The following RIMBP2 variants were observed in gnomAD, a reference collection of about 807,000 sequenced individuals.
RIMBP2 encodes RIMS-binding protein 2.
Under a neutral mutation model 118.6 loss-of-function variants are expected in RIMBP2, and 48 were observed. The observed-to-expected ratio is 0.40, with a 90% confidence interval of 0.32 to 0.51. The LOEUF (loss-of-function observed/expected upper bound fraction) is 0.51, where lower values mean the gene tolerates loss of function less well. RIMBP2 is among the 20% of genes least tolerant of loss of function. The pLI, the probability that RIMBP2 is intolerant of heterozygous loss-of-function variation, is 0.41. For synonymous variants in RIMBP2, 762 were observed against 742.9 expected (o/e 1.03, Z -0.42); for missense variants, 1,551 against 1,768.3 (o/e 0.88, Z 2.20).
At chr12:130,405,137 G>A (rs1215184155) in intron 21 of RIMBP2, among the ~76,000 whole-genome samples, 2 of 152,152 alleles carry the variant, frequency 1.3e-5, no homozygotes, top group Non-Finnish European at 2.9e-5. Flanking sequence ...CCCCAAGGCA[G>A]AAACATTTGA....
At chr12:130,491,269 G>A (rs752017962) in intron 4 of RIMBP2, among the ~76,000 whole-genome samples, 8 of 152,150 alleles carry the variant, frequency 5.3e-5, no homozygotes, top group Admixed American at 2.6e-4. Flanking sequence ...GGCCCAGAGC[G>A]GTTAAGCAAC....
chr12:130,653,070 A>G (rs562475092), intron 1 of RIMBP2, among the ~76,000 whole-genome samples: 16 of 152,322 alleles, frequency 1.1e-4, no homozygotes, highest in Non-Finnish European at 1.5e-4. Flanking sequence ...CCCAAATCTC[A>G]TGTCCTTCTC....
At chr12:130,467,815 A>C (rs117952004) in intron 6 of RIMBP2, among the ~76,000 whole-genome samples, 3,188 of 152,302 alleles carry the variant, frequency 0.021, 91 homozygotes, top group East Asian at 0.16. Flanking sequence ...GTACCCAGAC[A>C]GCCTTGGGCA....
At chr12:130,527,837 A>G (rs1480443087) in intron 2 of RIMBP2, among the ~76,000 whole-genome samples, 1 of 152,252 alleles carries the variant, frequency 6.6e-6, no homozygotes, top group East Asian at 1.9e-4. Context: ...AACATATGCA[A>G]AAAAGCTCAA....
intron 4 of RIMBP2, among the ~76,000 whole-genome samples, chr12:130,499,798 G>C (rs1015759851): frequency 6.6e-6 from 1 of 152,108 alleles, no homozygotes. Context: ...CACCTGACCT[G>C]CACATTAATT....
intron 2 of RIMBP2, among the ~76,000 whole-genome samples, chr12:130,613,990 T>C (rs1473317427): frequency 6.6e-6 from 1 of 152,052 alleles, no homozygotes; most frequent in Non-Finnish European, 1.5e-5. Flanking sequence ...CACCCTGCAA[T>C]GGTGGCCTCT....
At chr12:130,497,052 T>C (rs547282535) in intron 4 of RIMBP2, among the ~76,000 whole-genome samples, 1 of 152,156 alleles carries the variant, frequency 6.6e-6, no homozygotes, top group Admixed American at 6.5e-5. Flanking sequence ...GGGCGCTCCA[T>C]GGCTCTGATC....
chr12:130,487,351 G>A (rs966920720), intron 4 of RIMBP2, among the ~76,000 whole-genome samples: 16 of 152,138 alleles, frequency 1.1e-4, no homozygotes, highest in Non-Finnish European at 2.4e-4. Context: ...GAATAGCTTG[G>A]TGCCCTCCCC....
intron 2 of RIMBP2, among the ~76,000 whole-genome samples, chr12:130,535,750 T>TACAC (rs1566218209): frequency 5.7e-5 from 2 of 34,886 alleles, no homozygotes; most frequent in African/African-American, 1.4e-4. Flanking sequence ...TATATATATA[T>TACAC]ATATATATAT....
chr12:130,645,567 G>A (rs67861101), intron 1 of RIMBP2, among the ~76,000 whole-genome samples: 10,648 of 152,194 alleles, frequency 0.07, 1,248 homozygotes, highest in African/African-American at 0.24. Context: ...TTTAGGATTG[G>A]AGAAAGTCAT....
rs1171652515 is a variant in RIMBP2 at position 130,438,500 on chromosome 12, TG to T, written c.1520del (p.Pro507HisfsTer10). The T allele has an allele frequency of 6.2e-7, 1 of 1,602,356 alleles. No homozygotes were observed. Among genetic ancestry groups the T allele is most frequent in the Non-Finnish European group, 8.5e-7 (1 of 1,174,044 alleles). ...STLPAGPPAP[P>X]QDVTVQAGVT... ...CCCCAGCCTGGACGGTAACATCTTG[TG>T]GGGGTGCTGGGGGTCCTGGGAGGGG... On this transcript the variant is annotated frameshift_variant, in exon 12 of 23. Coordinates refer to ENST00000690449, the MANE Select transcript of RIMBP2 (RefSeq NM_001393629.1). LOFTEE classifies it high-confidence loss of function.
chr12:130,403,334 A>G (rs531530320), intron 21 of RIMBP2, among the ~76,000 whole-genome samples: 199 of 152,332 alleles, frequency 1.3e-3, no homozygotes, highest in Non-Finnish European at 2.4e-3. Flanking sequence ...TTTCATATTA[A>G]TTTAGATCTG....
At chr12:130,545,450 T>C (rs2055032179) in intron 2 of RIMBP2, among the ~76,000 whole-genome samples, 1 of 152,260 alleles carries the variant, frequency 6.6e-6, no homozygotes, top group Non-Finnish European at 1.5e-5. Context: ...AATTAATTTA[T>C]ATTGATTTCC....
intron 2 of RIMBP2, among the ~76,000 whole-genome samples, chr12:130,597,329 T>C (rs7972138): frequency 0.81 from 122,791 of 152,122 alleles, 49,824 homozygotes; most frequent in South Asian, 0.87. Flanking sequence ...CTGCAACCTC[T>C]GCCTCCTGGG....
intron 14 of RIMBP2, chr12:130,430,261 C>T (rs1255702285): frequency 2.0e-5 from 3 of 152,254 alleles, no homozygotes; most frequent in Non-Finnish European, 4.4e-5. Context: ...GGGGGACACG[C>T]AGCTTTACCC....
In RIMBP2 at chr12:130,678,620, C is replaced by T. The variant is rs190656188; in HGVS notation, c.-352+37602G>A. Among the ~76,000 whole-genome samples, 372 of 152,224 alleles carry T rather than the reference C, an allele frequency of 2.4e-3. 1 individual carries two copies. The highest frequency in any genetic ancestry group is 3.8e-3 in the African/African-American group (159 of 41,540). On this transcript the variant is annotated intron_variant, in intron 1 of 22. Coordinates refer to ENST00000690449, the MANE Select transcript of RIMBP2 (RefSeq NM_001393629.1). ...GCAGCCTCCACCTCCCAGGTTCAAG[C>T]GACTCTCCTGCCTCAGCCTCCAGAA...
intron 14 of RIMBP2, chr12:130,432,082 G>A: frequency 5.7e-6 from 2 of 350,342 alleles, no homozygotes; most frequent in Non-Finnish European, 1.1e-5. Context: ...AAAACCAGTG[G>A]GGGTATGGGT....
Position 130,516,418 on chromosome 12 carries a change from T to C in RIMBP2, c.-127+1410A>G, listed in dbSNP as rs567463356. Among the ~76,000 whole-genome samples the C allele has an allele frequency of 8.8e-4, 134 of 152,304 alleles. 1 individual carries two copies. In the South Asian group the frequency reaches 0.013, roughly 14 times the overall value. On this transcript the variant is annotated intron_variant, in intron 3 of 22. Coordinates refer to ENST00000690449, the MANE Select transcript of RIMBP2 (RefSeq NM_001393629.1). ...GATGTAACAGCAAAGCTCTCTGCAA[T>C]CCCAAGCCCACATTCTCGTAGGAGA...
intron 2 of RIMBP2, among the ~76,000 whole-genome samples, chr12:130,573,407 TGTGTGC>T (rs1242651064): frequency 1.4e-5 from 2 of 141,810 alleles, no homozygotes; most frequent in Non-Finnish European, 3.0e-5. Flanking sequence ...TGTGTGCGAC[TGTGTGC>T]GTGTGAGTGT....
Sources: gnomAD v4.1 joint callset for allele counts (sites outside exome capture counted in the v4.1 genomes callset) on GRCh38, gnomAD v4.1.1 for gene constraint, MANE v1.5 for transcripts, NCBI Gene and HGNC (gene_info 2026-07-23, HGNC 2026-07-21) for gene names.